Variants in DENND2C observed in about 807,000 individuals in gnomAD.
DENND2C encodes the protein DENN domain containing 2C.
DENND2C carries 72 observed loss-of-function variants against 112.4 expected under a neutral mutation model. The ratio of observed to expected loss-of-function variants is 0.64; its 90% CI spans 0.53 to 0.78. The LOEUF (loss-of-function observed/expected upper bound fraction) is 0.78. Ranked by LOEUF, DENND2C falls within the 30% of genes least tolerant of loss-of-function variation. The probability of loss-of-function intolerance (pLI) is 0.00; values close to 1 mark genes in which losing one functional copy is unlikely to be tolerated. For synonymous variants in DENND2C, 329 were observed against 381.6 expected (o/e 0.86, Z 1.61); for missense variants, 992 against 1,113.8 (o/e 0.89, Z 1.56).
At chr1:114,592,804 T>C (rs911343124) in intron 18 of DENND2C, among the ~76,000 whole-genome samples, 24 of 152,150 alleles carry the variant, frequency 1.6e-4, no homozygotes, top group Admixed American at 1.5e-3. Context: ...CCCTCTCCCA[T>C]CTCACTTTCT....
chr1:114,607,894 G>A (rs1025833409), intron 10 of DENND2C, among the ~76,000 whole-genome samples: 1 of 152,160 alleles, frequency 6.6e-6, no homozygotes, highest in African/African-American at 2.4e-5. Flanking sequence ...GCCAGACACT[G>A]TTCTAAGTGC....
rs199510228 is a variant in DENND2C at position 114,625,603 on chromosome 1, T to C, written c.382A>G (p.Lys128Glu). The change falls in exon 4 of 21, where the codon AAA (lysine) becomes GAA (glutamate). Residue 128 changes from lysine to glutamate, a missense_variant. By Grantham distance (56) the Lys-to-Glu change is moderately conservative (BLOSUM62 1). Transcript: ENST00000393274. The part of the protein sequence containing the change: ...CSRVKEIESC[K>E]EDVLDPETSL... The stretch of plus-strand genomic sequence containing the variant: ...GTCTCTGGATCTAAGACATCTTCTT[T>C]ACAGCTTTCAATTTCTTTGACCCGA... 1.2e-5 allele frequency: 19 copies of C among 1,614,196 alleles called. No homozygotes were observed. The highest frequency in any genetic ancestry group is 1.5e-5 in the Non-Finnish European group (18 of 1,180,018).
At chr1:114,665,271 G>GAA (rs60777854) in intron 1 of DENND2C, among the ~76,000 whole-genome samples, 2 of 119,300 alleles carry the variant, frequency 1.7e-5, no homozygotes, top group Non-Finnish European at 1.7e-5. Flanking sequence ...CCTGTCTCTT[G>GAA]AAAAAAAAAA....
At chr1:114,636,605 T>G (rs796575513) in intron 3 of DENND2C, among the ~76,000 whole-genome samples, 48 of 152,182 alleles carry the variant, frequency 3.2e-4, no homozygotes, top group African/African-American at 1.1e-3. Flanking sequence ...GTCTGAGAGG[T>G]CGAGGCTGCA....
chr1:114,651,226 C>A (rs1314954346), intron 2 of DENND2C, among the ~76,000 whole-genome samples: 1 of 151,138 alleles, frequency 6.6e-6, no homozygotes, highest in African/African-American at 2.4e-5. Flanking sequence ...TCACTTGAGG[C>A]TAAGAGTTTG....
At chr1:114,610,979 G>T in intron 9 of DENND2C, 94 bp downstream of exon 9, 1 of 1,428,678 alleles carries the variant, frequency 7.0e-7, no homozygotes, top group Non-Finnish European at 9.8e-7. Flanking sequence ...GGAACTTCAT[G>T]TGGGAAAAAA....
rs529559372 is a variant in DENND2C at position 114,612,507 on chromosome 1, C to G, written c.1325-1390G>C. Among the ~76,000 whole-genome samples the G allele has an allele frequency of 9.3e-5, 14 of 151,266 alleles. No homozygotes were observed. In the South Asian group the frequency reaches 2.5e-3, roughly 27 times the overall value. On this transcript the variant is annotated intron_variant, in intron 8 of 20. Coordinates refer to ENST00000393274, the MANE Select transcript of DENND2C (RefSeq NM_001256404.2). The stretch of plus-strand genomic sequence containing the variant: ...AGGCTGGGACTACAGGCGTGTGCCA[C>G]CACACCCAGCTAATTTTTTTTTTTT...
rs938584633 is a variant in DENND2C at position 114,584,190 on chromosome 1, A to G, written c.*1410T>C. On this transcript the variant is annotated 3_prime_UTR_variant, in exon 21 of 21. Transcript: ENST00000393274. ...CTAACCAACTTTTTCTGTGTCCATA[A>G]AAGTCTTGGCTTCAGTTCTGTGTTG... is the stretch of plus-strand genomic sequence containing the variant. The G allele has an allele frequency of 1.3e-5, 2 of 152,156 alleles. No homozygotes were observed. Among genetic ancestry groups the G allele is most frequent in the African/African-American group, 4.8e-5 (2 of 41,442 alleles). 9.4% of individuals were successfully genotyped at this position (152,156 alleles called of 1,614,324 possible). A position where few individuals can be genotyped will look rare whatever the true frequency, so the allele number is the denominator to read the frequency against.
intron 18 of DENND2C, 135 bp from the exon 19 acceptor site, chr1:114,588,087 A>G (rs1655090965): frequency 1.3e-6 from 1 of 753,698 alleles, no homozygotes; most frequent in Non-Finnish European, 2.1e-6. Flanking sequence ...AGGAGTGTTC[A>G]TTCTTCACTT....
At chr1:114,620,566 C>G (rs2101662845) in intron 7 of DENND2C, among the ~76,000 whole-genome samples, 1 of 152,278 alleles carries the variant, frequency 6.6e-6, no homozygotes, top group East Asian at 1.9e-4. Flanking sequence ...ATTCTTCTCC[C>G]TATTAACACA....
Position 114,595,871 on chromosome 1 carries a change from C to T in DENND2C, c.2286G>A (p.Val762=). The T allele has an allele frequency of 1.5e-5, 25 of 1,613,862 alleles. No individual in the cohort carries two copies. The highest frequency in any genetic ancestry group is 2.1e-5 in the Non-Finnish European group (25 of 1,179,844). Residue 762 remains valine (V), a splice_region_variant and synonymous_variant, in exon 17 of 21, where the codon GTG becomes GTA. Transcript: ENST00000393274. The part of the protein sequence containing the change: ...PQLQDLPIEE[V]LIVDLCADKF... The stretch of plus-strand genomic sequence containing the variant: ...TGTCTGCACAGAGATCAACTATCAG[C>T]ACCTATGAAATAAAGGAGCCAGGCA...
chr1:114,639,327 TCTCAGCACTTCGGGAGGCTGAGG>T (rs1418822497), intron 3 of DENND2C, among the ~76,000 whole-genome samples: 1 of 152,182 alleles, frequency 6.6e-6, no homozygotes, highest in East Asian at 1.9e-4. Flanking sequence ...ATGCTTGTAA[TCTCAGCACTTCGGGAGGCTGAGG>T]CCGGTAGATC....
intron 10 of DENND2C, among the ~76,000 whole-genome samples, chr1:114,607,732 C>A (rs1156449001): frequency 6.6e-6 from 1 of 151,808 alleles, no homozygotes; most frequent in African/African-American, 2.4e-5. Context: ...GTAGAGAAAC[C>A]AAATATTATT....
intron 1 of DENND2C, among the ~76,000 whole-genome samples, chr1:114,655,878 G>GTGTATATATATA (rs1553238216): frequency 1.3e-3 from 25 of 19,940 alleles, no homozygotes; most frequent in Admixed American, 5.7e-3. Context: ...ATATATATAT[G>GTGTATATATATA]TATAAATATA....
At chr1:114,614,265 G>A (rs940549605) in intron 8 of DENND2C, among the ~76,000 whole-genome samples, 3 of 151,678 alleles carry the variant, frequency 2.0e-5, no homozygotes, top group African/African-American at 7.3e-5. Flanking sequence ...AAATATTTAG[G>A]TTGGAATATA....
At chr1:114,635,814 C>CT (rs1220356787) in intron 3 of DENND2C, among the ~76,000 whole-genome samples, 1 of 151,932 alleles carries the variant, frequency 6.6e-6, no homozygotes, top group African/African-American at 2.4e-5. Flanking sequence ...CGAGACCAGC[C>CT]TAGGGAACAT....
chr1:114,650,759 T>C (rs60098770), intron 2 of DENND2C, among the ~76,000 whole-genome samples: 7,556 of 150,806 alleles, frequency 0.05, 213 homozygotes, highest in South Asian at 0.086. Context: ...AATTGTACAA[T>C]GTAACTTTCT....
chr1:114,599,511 G>T, intron 15 of DENND2C, 60 bp from the exon 16 acceptor site: 2 of 1,354,004 alleles, frequency 1.5e-6, no homozygotes, highest in Admixed American at 2.2e-5. Flanking sequence ...GGACATTTCA[G>T]TTATTATGTT....
intron 4 of DENND2C, among the ~76,000 whole-genome samples, chr1:114,624,765 G>A (rs577413496): frequency 5.3e-5 from 8 of 151,640 alleles, no homozygotes; most frequent in African/African-American, 1.9e-4. Flanking sequence ...GGGACTACAG[G>A]TGCACACCAC....
Sources: allele counts gnomAD v4.1 joint callset (sites outside exome capture counted in the v4.1 genomes callset), GRCh38; gene constraint gnomAD v4.1.1; transcripts MANE v1.5; gene names NCBI Gene and HGNC (gene_info 2026-07-23, HGNC 2026-07-21).